Variants in DOCK10 observed in about 807,000 individuals in gnomAD.
DOCK10 encodes dedicator of cytokinesis 10, also known as dedicator of cytokinesis protein 10.
Under a neutral mutation model 280.1 loss-of-function variants are expected in DOCK10, and 145 were observed. The ratio of observed to expected loss-of-function variants is 0.52; its 90% confidence interval spans 0.45 to 0.59. The LOEUF (loss-of-function observed/expected upper bound fraction) is 0.59. DOCK10 is among the 20% of genes least tolerant of loss of function. The probability of loss-of-function intolerance (pLI) is 0.00; values close to 1 mark genes in which losing one functional copy is unlikely to be tolerated. For missense variants in DOCK10, 2,368 were observed against 2,651.7 expected, an observed-to-expected ratio of 0.89 and a Z score of 2.35; for synonymous variants, 915 against 942.2, an observed-to-expected ratio of 0.97 and a Z score of 0.53.
chr2:224,878,616 T>C (rs1050573465), intron 7 of DOCK10, among the ~76,000 whole-genome samples: 40 of 152,178 alleles, frequency 2.6e-4, no homozygotes, highest in African/African-American at 9.2e-4. Flanking sequence ...GGGCAACACA[T>C]AGTCTTGAGA....
intron 11 of DOCK10, among the ~76,000 whole-genome samples, chr2:224,871,521 C>T (rs1698286840): frequency 6.6e-6 from 1 of 152,160 alleles, no homozygotes; most frequent in African/African-American, 2.4e-5. Flanking sequence ...CATTGAATAG[C>T]TTCCAATCAC....
intron 40 of DOCK10, among the ~76,000 whole-genome samples, chr2:224,801,300 A>AAC (rs1553568069): frequency 3.2e-4 from 48 of 151,052 alleles, no homozygotes; most frequent in African/African-American, 1.1e-3. Flanking sequence ...AAAAAAAAAA[A>AAC]AAACATATTT....
chr2:224,964,184 A>T (rs1039464728), intron 1 of DOCK10, among the ~76,000 whole-genome samples: 2 of 152,222 alleles, frequency 1.3e-5, no homozygotes, highest in African/African-American at 2.4e-5. Context: ...ATGTAATAAA[A>T]ATATGTCATA....
chr2:224,951,652 C>T (rs1703734430), intron 1 of DOCK10, among the ~76,000 whole-genome samples: 1 of 152,208 alleles, frequency 6.6e-6, no homozygotes, highest in Non-Finnish European at 1.5e-5. Context: ...TTACATCAAC[C>T]TCCATTTATG....
chr2:224,946,832 C>A, intron 1 of DOCK10: 1 of 1,510,332 alleles, frequency 6.6e-7, no homozygotes. Context: ...AAAACATTGA[C>A]ATTTGGATAC....
chr2:224,852,499 A>T lies in DOCK10; in HGVS notation c.2077-57T>A, dbSNP rs556178338. 88 of 1,387,916 alleles carry T rather than the reference A, an allele frequency of 6.3e-5. No individual in the cohort carries two copies. The African/African-American group carries it at 1.2e-3, about 19-fold the overall frequency. 86.0% of individuals were successfully genotyped at this position (1,387,916 alleles called of 1,614,324 possible). A position where few individuals can be genotyped will look rare whatever the true frequency, so the allele number is the denominator to read the frequency against. On this transcript the variant is annotated intron_variant, in intron 17 of 55. Coordinates refer to ENST00000258390, the MANE Select transcript of DOCK10 (RefSeq NM_014689.3). ...TAATTTCCTATCAAATAACATAAAA[A>T]ACCCAAGTGCCTAAAATAAGTAGCT...
At chr2:224,821,181 A>G (rs923687379) in intron 28 of DOCK10, among the ~76,000 whole-genome samples, 1 of 152,264 alleles carries the variant, frequency 6.6e-6, no homozygotes, top group African/African-American at 2.4e-5. Flanking sequence ...CTTTTAATGT[A>G]GAACATTTTT....
Position 225,012,472 on chromosome 2 carries a change from T to A in DOCK10, c.123+29780A>T, listed in dbSNP as rs531027977. ...TAAATTCCATCCGCCTCTACTTTAC[T>A]TTCAAAATAGGATGAAGACAATTCC... is the stretch of plus-strand genomic sequence containing the variant. On this transcript the variant is annotated intron_variant, in intron 1 of 55. Coordinates refer to ENST00000258390, the MANE Select transcript of DOCK10 (RefSeq NM_014689.3). 3.3e-5 allele frequency among the ~76,000 whole-genome samples: 5 copies of A among 152,344 alleles called. No homozygotes were observed. In the East Asian group the frequency reaches 9.6e-4, roughly 29 times the overall value.
intron 3 of DOCK10, among the ~76,000 whole-genome samples, chr2:224,911,050 G>A (rs1700983579): frequency 6.6e-6 from 1 of 151,892 alleles, no homozygotes; most frequent in Non-Finnish European, 1.5e-5. Flanking sequence ...TTGCCCAAGA[G>A]AGTTGAATGT....
chr2:225,002,061 G>T (rs1706445457), intron 1 of DOCK10, among the ~76,000 whole-genome samples: 1 of 152,170 alleles, frequency 6.6e-6, no homozygotes, highest in Non-Finnish European at 1.5e-5. Flanking sequence ...ATTCCATATG[G>T]CTTCTCAGAG....
chr2:224,960,432 T>TGTC (rs1349209609), intron 1 of DOCK10, among the ~76,000 whole-genome samples: 4 of 152,196 alleles, frequency 2.6e-5, no homozygotes, highest in African/African-American at 9.7e-5. Flanking sequence ...ATAACTTATT[T>TGTC]GTCTTTACAG....
At chr2:224,934,612 A>G (rs1017480111) in intron 1 of DOCK10, among the ~76,000 whole-genome samples, 3 of 152,242 alleles carry the variant, frequency 2.0e-5, no homozygotes, top group African/African-American at 7.2e-5. Flanking sequence ...CTCCCTTCAA[A>G]TGTAAAGAGA....
intron 27 of DOCK10, among the ~76,000 whole-genome samples, chr2:224,826,752 TA>T (rs1694884532): frequency 7.4e-6 from 1 of 134,534 alleles, no homozygotes; most frequent in African/African-American, 2.8e-5. Context: ...TCTATCTATC[TA>T]TCTATCTATC....
intron 1 of DOCK10, among the ~76,000 whole-genome samples, chr2:225,021,223 C>T (rs1275559196): frequency 6.6e-6 from 1 of 152,152 alleles, no homozygotes; most frequent in Non-Finnish European, 1.5e-5. Flanking sequence ...ACATAACAAA[C>T]AAACAAAAAA....
chr2:224,886,106 T>G lies in DOCK10; in HGVS notation c.569A>C (p.Lys190Thr), dbSNP rs746653044. ...GTTCACGGTGCTGTTAAAATTCCCC[T>G]TGTAGAGCCAGCCGGACTTGAAAAC... ...TGVFKSGWLYKGNFNSTVNNT... is the reference protein window; with the variant it reads ...TGVFKSGWLYTGNFNSTVNNT... The change falls in exon 6 of 56, where the codon AAG becomes ACG. Residue 190 changes from lysine (K) to threonine (T), a missense_variant. By Grantham distance (78) the Lys-to-Thr change is moderately conservative. Transcript: ENST00000258390. 6.2e-7 allele frequency: 1 copy of G among 1,613,842 alleles called. No individual in the cohort carries two copies.
chr2:225,000,974 A>G (rs765619739), intron 1 of DOCK10, among the ~76,000 whole-genome samples: 6 of 152,222 alleles, frequency 3.9e-5, no homozygotes, highest in Non-Finnish European at 8.8e-5. Context: ...ACTCCATCTC[A>G]AAAAGAAAAA....
rs1698466383 is a variant in DOCK10, at chr2:224,873,996, A to C, written c.1257T>G (p.Asn419Lys). Reference protein sequence around the residue: ...VTENENDPITNIEPFFVSVAL... With the variant: ...VTENENDPITKIEPFFVSVAL... ...AGGATGTAACAGAGGAGAAACTTAC[A>C]TTCGTTATCGGATCATTTTCATTCT... The change falls in exon 11 of 56, where the codon AAT becomes AAG. Residue 419 changes from asparagine (N) to lysine (K), a missense_variant and splice_region_variant. This residue lies in a region of DOCK10 where 1,209 missense variants were observed against 1,250.9 expected (regional missense o/e 0.97). Coordinates refer to ENST00000258390, the MANE Select transcript of DOCK10 (RefSeq NM_014689.3). 6.2e-7 allele frequency: 1 copy of C among 1,609,320 alleles called. No individual in the cohort carries two copies. The highest frequency in any genetic ancestry group is 8.5e-7 in the Non-Finnish European group (1 of 1,178,652).
In DOCK10 at chr2:224,844,753, C is replaced by T. The variant is rs1696217536; in HGVS notation, c.2568G>A (p.Gln856=). ...TAGTATTTCAGGTCAACATACTCAC[C>T]TGAGTATTTACTGTTGATACAACAA... ...STFVVSTVNT[Q]DPHVNAFFQE... The change falls in exon 22 of 56, where the codon CAG becomes CAA. Residue 856 remains glutamine, a splice_region_variant and synonymous_variant. Coordinates refer to ENST00000258390, the MANE Select transcript of DOCK10 (RefSeq NM_014689.3). 1.9e-6 allele frequency: 3 copies of T among 1,578,198 alleles called. No homozygotes were observed. Among genetic ancestry groups the T allele is most frequent in the Admixed American group, 3.5e-5 (2 of 56,628 alleles).
intron 1 of DOCK10, among the ~76,000 whole-genome samples, chr2:224,985,700 G>A (rs2126262629): frequency 6.6e-6 from 1 of 151,948 alleles, no homozygotes; most frequent in Middle Eastern, 3.4e-3. Flanking sequence ...ATCCTAGGAG[G>A]ATACTGGACT....
Sources: allele counts gnomAD v4.1 joint callset (sites outside exome capture counted in the v4.1 genomes callset), GRCh38; gene constraint gnomAD v4.1.1; regional missense constraint gnomAD v4.1.1; transcripts MANE v1.5; gene names NCBI Gene and HGNC (gene_info 2026-07-23, HGNC 2026-07-21).